The following AKAP19 variants were observed in gnomAD, a reference collection of about 807,000 sequenced individuals.
AKAP19 encodes the protein small A-kinase anchoring protein.
the AKAP19 span, chr2:190,180,492 C>G: frequency 3.0e-6 from 3 of 985,566 alleles, no homozygotes; most frequent in South Asian, 1.4e-4. This position sits in a 1 kb window ranked among gnomAD's most constrained non-coding sequence, Gnocchi z 6.8. Context: ...TTTCATTGAC[C>G]TCTGCGATGC....
chr2:190,139,132 C>T, the AKAP19 span, among the ~76,000 whole-genome samples: 1 of 152,054 alleles, frequency 6.6e-6, no homozygotes, highest in Non-Finnish European at 1.5e-5. Context: ...TACATAAACA[C>T]AATGATGAAA....
the AKAP19 span, among the ~76,000 whole-genome samples, chr2:189,976,650 G>T: frequency 0.015 from 2,254 of 152,316 alleles, 26 homozygotes; most frequent in Non-Finnish European, 0.02. Context: ...TGGCTGCTTT[G>T]TTTACCTACT....
the AKAP19 span, among the ~76,000 whole-genome samples, chr2:189,983,067 G>A: frequency 2.0e-5 from 3 of 152,124 alleles, no homozygotes; most frequent in East Asian, 1.9e-4. Context: ...TGGGGCTGAC[G>A]GGTGGAAAGA....
the AKAP19 span, among the ~76,000 whole-genome samples, chr2:190,194,470 CTG>C: frequency 1.5e-5 from 2 of 135,978 alleles, no homozygotes; most frequent in African/African-American, 3.1e-5. Flanking sequence ...CCCACGTATC[CTG>C]TGTATACACA....
chr2:189,984,274 G>T, the AKAP19 span, among the ~76,000 whole-genome samples: 1 of 152,094 alleles, frequency 6.6e-6, no homozygotes, highest in Non-Finnish European at 1.5e-5. Context: ...ATAAGACACA[G>T]GTACACCCTG....
chr2:190,004,041 A>G, the AKAP19 span, among the ~76,000 whole-genome samples: 1 of 151,296 alleles, frequency 6.6e-6, no homozygotes, highest in Non-Finnish European at 1.5e-5. Flanking sequence ...CTGGCAAGAC[A>G]CTATCATTTT....
At chr2:189,889,395 C>T in the AKAP19 span, among the ~76,000 whole-genome samples, 2 of 151,888 alleles carry the variant, frequency 1.3e-5, no homozygotes, top group African/African-American at 4.8e-5. Context: ...CTGAAATTTT[C>T]TTTTTTGTGT....
At chr2:190,124,902 T>C in the AKAP19 span, among the ~76,000 whole-genome samples, 1 of 152,186 alleles carries the variant, frequency 6.6e-6, no homozygotes, top group Admixed American at 6.5e-5. Flanking sequence ...ACTTTTTTGT[T>C]AAAATCGAAG....
At chr2:190,153,539 T>C in the AKAP19 span, among the ~76,000 whole-genome samples, 17 of 152,276 alleles carry the variant, frequency 1.1e-4, no homozygotes, top group East Asian at 2.1e-3. Flanking sequence ...AAAGTTAAGA[T>C]AAAATATGTA....
At chr2:189,908,136 TAA>T in the AKAP19 span, among the ~76,000 whole-genome samples, 5 of 152,100 alleles carry the variant, frequency 3.3e-5, no homozygotes, top group Middle Eastern at 3.4e-3. Context: ...CCTTAAGGTG[TAA>T]AGTTAGGTTG....
the AKAP19 span, among the ~76,000 whole-genome samples, chr2:190,097,696 T>C: frequency 6.6e-6 from 1 of 151,526 alleles, no homozygotes; most frequent in Non-Finnish European, 1.5e-5. Flanking sequence ...GTAGGTTCTA[T>C]CTCAAGAAAC....
the AKAP19 span, among the ~76,000 whole-genome samples, chr2:189,951,165 G>T: frequency 0.016 from 2,280 of 142,598 alleles, 61 homozygotes; most frequent in African/African-American, 0.056. Flanking sequence ...TTCAATAGAA[G>T]AAACCTTAGT....
the AKAP19 span, among the ~76,000 whole-genome samples, chr2:189,929,808 G>A: frequency 6.6e-6 from 1 of 152,092 alleles, no homozygotes; most frequent in African/African-American, 2.4e-5. Context: ...TTTTTTGTGT[G>A]TGCCAGTGTT....
the AKAP19 span, among the ~76,000 whole-genome samples, chr2:189,974,909 A>T: frequency 6.6e-6 from 1 of 152,178 alleles, no homozygotes; most frequent in Non-Finnish European, 1.5e-5. Flanking sequence ...AATACAGCAC[A>T]CTGATGGGTC....
At chr2:190,084,090 G>GTTTTT in the AKAP19 span, among the ~76,000 whole-genome samples, 9 of 132,084 alleles carry the variant, frequency 6.8e-5, no homozygotes, top group South Asian at 2.4e-4. Flanking sequence ...TAGAGCTCAG[G>GTTTTT]TTTTTTTTTT....
chr2:190,034,534 C>CAAAAAAAA, the AKAP19 span, among the ~76,000 whole-genome samples: 1 of 68,268 alleles, frequency 1.5e-5, no homozygotes. Context: ...GGCTACAGTG[C>CAAAAAAAA]AAAAAAAAAA....
the AKAP19 span, among the ~76,000 whole-genome samples, chr2:190,053,420 G>A: frequency 2.6e-5 from 4 of 152,054 alleles, no homozygotes; most frequent in South Asian, 4.2e-4. Context: ...TAAACCATGC[G>A]TGTTATCTAG....
the AKAP19 span, chr2:190,062,316 T>C: frequency 6.2e-7 from 1 of 1,613,250 alleles, no homozygotes; most frequent in Non-Finnish European, 8.5e-7. Flanking sequence ...CTGGACATCA[T>C]ACTGATCAAT....
the AKAP19 span, among the ~76,000 whole-genome samples, chr2:189,883,800 A>C: frequency 6.6e-6 from 1 of 152,132 alleles, no homozygotes. Flanking sequence ...ATATAGAGAG[A>C]AGACATTCCT....
Sources: allele counts gnomAD v4.1 joint callset (sites outside exome capture counted in the v4.1 genomes callset), GRCh38; gene constraint gnomAD v4.1.1; non-coding constraint Gnocchi (gnomAD v3.1); transcripts MANE v1.5; gene names NCBI Gene and HGNC (gene_info 2026-07-23, HGNC 2026-07-21).